FAM229B: variants seen among roughly 807,000 people sequenced by gnomAD.
The protein encoded by FAM229B is family with sequence similarity 229 member B.
Under a neutral mutation model 6.7 loss-of-function variants are expected in FAM229B, and 2 were observed. That is an observed-to-expected ratio of 0.30 (90% CI 0.12 to 0.94). The LOEUF (loss-of-function observed/expected upper bound fraction) is 0.94, where lower values mean the gene tolerates loss of function less well. FAM229B is among the 40% of genes least tolerant of loss of function. The pLI, the probability that FAM229B is intolerant of heterozygous loss-of-function variation, is 0.54. For synonymous variants in FAM229B, 29 were observed against 34.0 expected (o/e 0.85, Z 0.51); for missense variants, 93 against 96.2 (o/e 0.97, Z 0.14).
intron 1 of FAM229B, among the ~76,000 whole-genome samples, chr6:112,090,479 G>A (rs6908562): frequency 0.23 from 34,978 of 152,110 alleles, 4,158 homozygotes; most frequent in East Asian, 0.32. Flanking sequence ...TAGGTATGGT[G>A]ACTTATATTT....
rs587767514 is a variant in FAM229B, at chr6:112,090,247, T to A, written c.-176+2527T>A. 1.1e-4 allele frequency among the ~76,000 whole-genome samples: 16 copies of A among 152,348 alleles called. No homozygotes were observed. In the South Asian group the frequency reaches 1.5e-3, roughly 14 times the overall value. ...TGCTTGCACACCGCCATTTCTGAGC[T>A]CATCTCTTTCTCATATAACTTGACA... On this transcript the variant is annotated intron_variant, in intron 1 of 3. Transcript: ENST00000368656.
At chr6:112,090,748 G>A (rs1431308551) in intron 1 of FAM229B, among the ~76,000 whole-genome samples, 1 of 152,010 alleles carries the variant, frequency 6.6e-6, no homozygotes, top group Admixed American at 6.6e-5. Flanking sequence ...ATTAATTATT[G>A]TGTATATTAA....
chr6:112,088,976 GA>G (rs782707559), intron 1 of FAM229B, among the ~76,000 whole-genome samples: 5 of 152,146 alleles, frequency 3.3e-5, no homozygotes, highest in Non-Finnish European at 7.3e-5. Context: ...ATCAGACTGA[GA>G]GACAGTTCTG....
intron 1 of FAM229B, among the ~76,000 whole-genome samples, chr6:112,092,296 T>C (rs1442211546): frequency 6.6e-6 from 1 of 151,852 alleles, no homozygotes; most frequent in Non-Finnish European, 1.5e-5. Flanking sequence ...AAAAAGCAAA[T>C]ATTAAAGCCA....
chr6:112,088,238 G>A (rs994904183), intron 1 of FAM229B, among the ~76,000 whole-genome samples: 2 of 152,176 alleles, frequency 1.3e-5, no homozygotes, highest in Non-Finnish European at 2.9e-5. Flanking sequence ...TAGAAGACAC[G>A]AGATTAACAC....
intron 1 of FAM229B, among the ~76,000 whole-genome samples, chr6:112,092,478 A>G (rs1777270456): frequency 6.6e-6 from 1 of 152,110 alleles, no homozygotes; most frequent in Non-Finnish European, 1.5e-5. Flanking sequence ...TTGTTCCACA[A>G]TGAATATGAA....
rs149743977 is a variant in FAM229B, at chr6:112,100,741, C to G, written c.197C>G (p.Thr66Arg). 3 of 1,613,972 alleles carry G rather than the reference C, an allele frequency of 1.9e-6. No individual in the cohort carries two copies. The Admixed American group carries it at 5.0e-5, about 27-fold the overall frequency. The change falls in exon 4 of 4, where the codon ACG becomes AGG. Residue 66 changes from threonine (T) to arginine (R), a missense_variant. By Grantham distance (71) the Thr-to-Arg change is moderately conservative (BLOSUM62 -1). Coordinates refer to ENST00000368656, the MANE Select transcript of FAM229B (RefSeq NM_001033564.3). ...TDVPVTVYAT[T>R]RKPPAQSSKE... ...GTTCCCGTCACTGTTTATGCAACAA[C>G]GAGAAAGCCACCTGCACAAAGCAGC...
chr6:112,101,725 C>G lies in FAM229B; in HGVS notation c.*938C>G, dbSNP rs1027161116. On this transcript the variant is annotated 3_prime_UTR_variant, in exon 4 of 4. Transcript: ENST00000368656. ...TACAATTTTCACCAGTGTTTTTTGT[C>G]TACCTTGCTGCTTCTGAAAATATAC... 6.6e-6 allele frequency: 1 copy of G among 152,254 alleles called. No homozygotes were observed. The highest frequency in any genetic ancestry group is 3.4e-3 in the Middle Eastern group (1 of 294). The allele number at this position is 152,254 out of a possible 1,614,324, so 9.4% of individuals were successfully genotyped here. A position where few individuals can be genotyped will look rare whatever the true frequency, so the allele number is the denominator to read the frequency against.
In FAM229B at chr6:112,099,464, A is replaced by G; in HGVS notation, c.125+56A>G. 1.0e-5 allele frequency: 15 copies of G among 1,485,294 alleles called. No individual in the cohort carries two copies. The South Asian group carries it at 1.6e-4, about 15-fold the overall frequency. The allele number at this position is 1,485,294 out of a possible 1,614,324, so 92.0% of individuals were successfully genotyped here. ...ATATGTATTGGCTATCATCAATACAACCTTCAGCTGATATTCATTATTAGC... is the reference window on the plus strand; with the variant it reads ...ATATGTATTGGCTATCATCAATACAGCCTTCAGCTGATATTCATTATTAGC... On this transcript the variant is annotated intron_variant, in intron 3 of 3. Coordinates refer to ENST00000368656, the MANE Select transcript of FAM229B (RefSeq NM_001033564.3).
intron 1 of FAM229B, among the ~76,000 whole-genome samples, chr6:112,090,307 C>T (rs1211555042): frequency 6.6e-6 from 1 of 152,180 alleles, no homozygotes; most frequent in Non-Finnish European, 1.5e-5. Flanking sequence ...GTTTTCCAGC[C>T]TCTTCTCCCA....
intron 1 of FAM229B, among the ~76,000 whole-genome samples, chr6:112,090,481 C>G (rs1437967621): frequency 1.3e-5 from 2 of 152,220 alleles, no homozygotes; most frequent in East Asian, 3.9e-4. Context: ...GGTATGGTGA[C>G]TTATATTTTA....
In FAM229B at chr6:112,101,040, G is replaced by T. The variant is rs1777392510; in HGVS notation, c.*253G>T. ...TACCTTAGAGATCATCTTGCTCACAGTAGATCATTAATATCAATAATTAAA... is the reference window on the plus strand; with the variant it reads ...TACCTTAGAGATCATCTTGCTCACATTAGATCATTAATATCAATAATTAAA... On this transcript the variant is annotated 3_prime_UTR_variant, in exon 4 of 4. Coordinates refer to ENST00000368656, the MANE Select transcript of FAM229B (RefSeq NM_001033564.3). The T allele has an allele frequency of 6.1e-6, 2 of 325,986 alleles. No homozygotes were observed. The highest frequency in any genetic ancestry group is 2.1e-5 in the African/African-American group (1 of 46,824). 20.2% of individuals were successfully genotyped at this position (325,986 alleles called of 1,614,324 possible). A position where few individuals can be genotyped will look rare whatever the true frequency, so the allele number is the denominator to read the frequency against.
rs1777390882 is a variant in FAM229B at position 112,100,921 on chromosome 6, G to A, written c.*134G>A. ...CAGTTGAGCTCTTTACTTTTAGTAAGACCGACAGAAATGTAGTCAGTAAAG... is the reference window on the plus strand; with the variant it reads ...CAGTTGAGCTCTTTACTTTTAGTAAAACCGACAGAAATGTAGTCAGTAAAG... On this transcript the variant is annotated 3_prime_UTR_variant, in exon 4 of 4. Transcript: ENST00000368656. 1.5e-6 allele frequency: 1 copy of A among 685,858 alleles called. No homozygotes were observed. The highest frequency in any genetic ancestry group is 2.6e-6 in the Non-Finnish European group (1 of 386,044). 42.5% of individuals were successfully genotyped at this position (685,858 alleles called of 1,614,324 possible).
At chr6:112,095,025 G>A (rs1261886964) in intron 1 of FAM229B, among the ~76,000 whole-genome samples, 1 of 152,120 alleles carries the variant, frequency 6.6e-6, no homozygotes, top group Non-Finnish European at 1.5e-5. Flanking sequence ...TTCTAAAGAA[G>A]CATGGTATGC....
chr6:112,101,768 T>G lies in FAM229B; in HGVS notation c.*981T>G, dbSNP rs1430587835. ...AAATATACATATAAGCCTTTTAAAA[T>G]GAAAAGTTTATTAACTTATAATTAA... On this transcript the variant is annotated 3_prime_UTR_variant, in exon 4 of 4. Coordinates refer to ENST00000368656, the MANE Select transcript of FAM229B (RefSeq NM_001033564.3). 1 of 152,196 alleles carries G rather than the reference T, an allele frequency of 6.6e-6. No homozygotes were observed. The highest frequency in any genetic ancestry group is 1.5e-5 in the Non-Finnish European group (1 of 68,028). The allele number at this position is 152,196 out of a possible 1,614,324, so 9.4% of individuals were successfully genotyped here. A position where few individuals can be genotyped will look rare whatever the true frequency, so the allele number is the denominator to read the frequency against.
chr6:112,090,573 AAC>A (rs1554318084), intron 1 of FAM229B, among the ~76,000 whole-genome samples: 4 of 150,356 alleles, frequency 2.7e-5, no homozygotes, highest in Admixed American at 6.6e-5. Flanking sequence ...GGTAACAATC[AAC>A]CCCAAAATCT....
intron 1 of FAM229B, among the ~76,000 whole-genome samples, chr6:112,088,313 C>G (rs1208939552): frequency 1.3e-5 from 2 of 152,142 alleles, no homozygotes; most frequent in Non-Finnish European, 2.9e-5. Context: ...GGCATTATGA[C>G]AATTACCAAC....
intron 1 of FAM229B, among the ~76,000 whole-genome samples, chr6:112,096,681 A>G (rs1220035533): frequency 2.0e-5 from 3 of 152,162 alleles, no homozygotes; most frequent in Non-Finnish European, 2.9e-5. Flanking sequence ...CATTAGAGAG[A>G]GGGTGTAAAG....
At chr6:112,091,423 A>G (rs1485095509) in intron 1 of FAM229B, among the ~76,000 whole-genome samples, 1 of 152,150 alleles carries the variant, frequency 6.6e-6, no homozygotes, top group Admixed American at 6.5e-5. Context: ...TAGGGCTAGG[A>G]CTAATTCACA....
Sources: allele counts gnomAD v4.1 joint callset (sites outside exome capture counted in the v4.1 genomes callset), GRCh38; gene constraint gnomAD v4.1.1; transcripts MANE v1.5; gene names NCBI Gene and HGNC (gene_info 2026-07-23, HGNC 2026-07-21).